RYR2: variants seen among roughly 807,000 people sequenced by gnomAD.
RYR2 encodes the protein cardiac muscle ryanodine receptor-calcium release channel.
RYR2 carries 227 observed loss-of-function variants against 601.1 expected under a neutral mutation model. The observed-to-expected ratio is 0.38, with a 90% CI of 0.34 to 0.42. The LOEUF is 0.42. Among genes scored for constraint, RYR2 ranks in the 10% least tolerant of loss-of-function variants. The pLI is 1.00. For missense variants in RYR2, 4,646 were observed against 6,156.5 expected (o/e 0.75, Z 8.21); for synonymous variants, 2,223 against 2,175.1 (o/e 1.02, Z -0.61).
At chr1:237,592,984 A>G (rs1675391460) in intron 32 of RYR2, among the ~76,000 whole-genome samples, 2 of 149,072 alleles carry the variant, frequency 1.3e-5, no homozygotes, top group African/African-American at 2.5e-5. Context: ...TCACACCACT[A>G]CACCCCAGCC....
intron 2 of RYR2, among the ~76,000 whole-genome samples, chr1:237,274,074 T>C (rs1690003276): frequency 6.8e-6 from 1 of 147,268 alleles, no homozygotes; most frequent in African/African-American, 2.5e-5. Flanking sequence ...ACCTTTATAT[T>C]ATATATATTT....
intron 1 of RYR2, among the ~76,000 whole-genome samples, chr1:237,117,768 C>T (rs1435191208): frequency 8.2e-6 from 1 of 122,212 alleles, no homozygotes; most frequent in Non-Finnish European, 1.7e-5. Context: ...TGTTCTGAGA[C>T]AGAGTCTCCC....
chr1:237,810,376 A>G (rs1273741467), intron 100 of RYR2, among the ~76,000 whole-genome samples: 1 of 152,200 alleles, frequency 6.6e-6, no homozygotes, highest in Non-Finnish European at 1.5e-5. Context: ...AAAGACGCTC[A>G]GCCTCTGTCA....
At chr1:237,107,409 T>C (rs999501271) in intron 1 of RYR2, among the ~76,000 whole-genome samples, 4 of 150,372 alleles carry the variant, frequency 2.7e-5, no homozygotes, top group Middle Eastern at 3.2e-3. Context: ...TAGTCCCAGC[T>C]ACTCAGGAGG....
intron 1 of RYR2, among the ~76,000 whole-genome samples, chr1:237,268,466 T>A (rs2149338269): frequency 6.6e-6 from 1 of 152,284 alleles, no homozygotes; most frequent in East Asian, 1.9e-4. Flanking sequence ...ACCCATCCTA[T>A]GGGAATAATG....
intron 101 of RYR2, among the ~76,000 whole-genome samples, chr1:237,822,951 T>C (rs775656117): frequency 3.2e-4 from 49 of 152,292 alleles, no homozygotes; most frequent in Non-Finnish European, 5.3e-4. Context: ...CATTACATAA[T>C]GGTAAAGGGA....
chr1:237,495,830 T>C (rs1664013845), intron 19 of RYR2, among the ~76,000 whole-genome samples: 1 of 152,192 alleles, frequency 6.6e-6, no homozygotes, highest in South Asian at 2.1e-4. Flanking sequence ...GAATTCCCAA[T>C]AACTCCATTA....
chr1:237,367,570 C>T (rs28420757), intron 5 of RYR2, among the ~76,000 whole-genome samples: 50,221 of 151,800 alleles, frequency 0.33, 8,627 homozygotes, highest in East Asian at 0.42. Context: ...GATATTAAAG[C>T]ATCTTTCTGT....
intron 1 of RYR2, among the ~76,000 whole-genome samples, chr1:237,075,323 G>A (rs1023016521): frequency 2.2e-4 from 34 of 151,768 alleles, no homozygotes; most frequent in Non-Finnish European, 4.3e-4. Flanking sequence ...CAGCGTGAGC[G>A]ACGCAGAAGA....
chr1:237,632,478 T>C (rs1243821045), intron 42 of RYR2, among the ~76,000 whole-genome samples: 1 of 144,590 alleles, frequency 6.9e-6, no homozygotes, highest in East Asian at 2.2e-4. Flanking sequence ...CACTGCAACC[T>C]CCGCCTCCCA....
intron 38 of RYR2, among the ~76,000 whole-genome samples, chr1:237,619,949 T>C (rs6672539): frequency 0.078 from 11,858 of 151,986 alleles, 897 homozygotes; most frequent in African/African-American, 0.2. Context: ...CCTAAAAGAA[T>C]GCTAAAGGAA....
rs1421558895 is a variant in RYR2, at chr1:237,056,665, G to GC, written c.48+14096_48+14097insC. ...GAGTACTGCAGCTATGAGGACTAGAGACTGCATTGTGAGGACTGGAGCACT... is the reference window on the plus strand; with the variant it reads ...GAGTACTGCAGCTATGAGGACTAGAGCACTGCATTGTGAGGACTGGAGCACT... On this transcript the variant is annotated intron_variant, in intron 1 of 104. Coordinates refer to ENST00000366574, the MANE Select transcript of RYR2 (RefSeq NM_001035.3). 2.6e-4 allele frequency among the ~76,000 whole-genome samples: 22 copies of GC among 85,890 alleles called. No homozygotes were observed. In the East Asian group the frequency reaches 0.015, roughly 59 times the overall value. 56.3% of individuals were successfully genotyped at this position (85,890 alleles called of 152,430 possible).
At chr1:237,508,988 C>T (rs988792234) in intron 23 of RYR2, among the ~76,000 whole-genome samples, 2 of 151,900 alleles carry the variant, frequency 1.3e-5, no homozygotes, top group African/African-American at 4.8e-5. Flanking sequence ...GTGATCCGCC[C>T]GCCTCGGCCT....
Position 237,388,688 on chromosome 1 carries a change from T to C in RYR2, c.773+505T>C, listed in dbSNP as rs144313976. 4.5e-3 allele frequency among the ~76,000 whole-genome samples: 686 copies of C among 152,286 alleles called. 3 individuals carry two copies. Among genetic ancestry groups the C allele is most frequent in the African/African-American group, 0.016 (648 of 41,562 alleles). On this transcript the variant is annotated intron_variant, in intron 10 of 104. Transcript: ENST00000366574. ...TCTCTCATGTTAATTTATTTGGCAC[T>C]GGGACAAGATTACAATAGTATGAAT...
At chr1:237,222,700 C>T (rs1033580753) in intron 1 of RYR2, among the ~76,000 whole-genome samples, 7 of 152,236 alleles carry the variant, frequency 4.6e-5, no homozygotes, top group South Asian at 2.1e-4. Context: ...GGGAAATTTC[C>T]TACTAGTAGT....
chr1:237,121,051 T>TGTGC (rs1558270465), intron 1 of RYR2: 2 of 151,526 alleles, frequency 1.3e-5, no homozygotes, highest in Non-Finnish European at 2.9e-5. Flanking sequence ...TGTGTGTGTG[T>TGTGC]GCACATGTGT....
chr1:237,286,930 C>T (rs1037884326), intron 2 of RYR2, among the ~76,000 whole-genome samples: 1 of 152,050 alleles, frequency 6.6e-6, no homozygotes, highest in Non-Finnish European at 1.5e-5. Context: ...GTGATTTATG[C>T]TTTAAAGAGG....
At chr1:237,500,666 A>C (rs2150475791) in intron 20 of RYR2, 45 bp from the exon 21 acceptor site, 1 of 1,500,762 alleles carries the variant, frequency 6.7e-7, no homozygotes, top group African/African-American at 1.4e-5. Context: ...TGATTCTCTG[A>C]GATAAAAAAA....
intron 1 of RYR2, among the ~76,000 whole-genome samples, chr1:237,166,214 G>T (rs1176165462): frequency 6.6e-6 from 1 of 152,190 alleles, no homozygotes; most frequent in Non-Finnish European, 1.5e-5. Flanking sequence ...CCAGTCATCT[G>T]ACTTAGAACA....
Sources: gnomAD v4.1 joint callset for allele counts (sites outside exome capture counted in the v4.1 genomes callset) on GRCh38, gnomAD v4.1.1 for gene constraint, MANE v1.5 for transcripts, NCBI Gene and HGNC (gene_info 2026-07-23, HGNC 2026-07-21) for gene names.